DGKA: variants seen among roughly 807,000 people sequenced by gnomAD.
The protein encoded by DGKA is 80 kDa diacylglycerol kinase.
A neutral mutation model predicts 105.0 loss-of-function variants in DGKA; 35 were observed. That is an observed-to-expected ratio of 0.33 (90% CI 0.25 to 0.44). The LOEUF (loss-of-function observed/expected upper bound fraction) is 0.44, where lower values mean the gene tolerates loss of function less well. Among genes scored for constraint, DGKA ranks in the 20% least tolerant of loss-of-function variants. The probability of loss-of-function intolerance (pLI) is 1.00; values close to 1 mark genes in which losing one functional copy is unlikely to be tolerated. For missense variants in DGKA, 665 were observed against 915.0 expected, an observed-to-expected ratio of 0.73 and a Z score of 3.53; for synonymous variants, 296 against 332.0, an observed-to-expected ratio of 0.89 and a Z score of 1.18.
intron 4 of DGKA, 130 bp from the exon 5 acceptor site, chr12:55,937,848 C>G (rs768514479): frequency 5.9e-6 from 5 of 850,362 alleles, no homozygotes; most frequent in Non-Finnish European, 9.4e-6. Context: ...AGTGACAGAG[C>G]AAGACCCTGT....
In DGKA at chr12:55,939,210, A is replaced by G. The variant is rs1405155893; in HGVS notation, c.499A>G (p.Ile167Val). 1 of 1,614,118 alleles carries G rather than the reference A, an allele frequency of 6.2e-7. No homozygotes were observed. The highest frequency in any genetic ancestry group is 1.6e-4 in the Middle Eastern group (1 of 6,062). ...GATTCTTCAGGAGATGATGAAAGAG[A>G]TTGACTATGATGGCAGTGGCTCTGT... ...RPILQEMMKE[I>V]DYDGSGSVSQ... Residue 167 changes from isoleucine to valine, a missense_variant, in exon 8 of 24, where the codon ATT becomes GTT. This residue lies in a region of DGKA where 504 missense variants were observed against 681.2 expected (regional missense o/e 0.74). Transcript: ENST00000331886.
At chr12:55,948,237 T>C (rs1454992794) in intron 17 of DGKA, among the ~76,000 whole-genome samples, 1 of 149,620 alleles carries the variant, frequency 6.7e-6, no homozygotes, top group African/African-American at 2.5e-5. Flanking sequence ...CCGTCTCTAC[T>C]AAAAATACAA....
At chr12:55,929,018 G>A (rs1883253674), upstream of DGKA, among the ~76,000 whole-genome samples, 1 of 152,166 alleles carries the variant, frequency 6.6e-6, no homozygotes, top group East Asian at 1.9e-4. Flanking sequence ...TTAGCCGGGT[G>A]TGGTGGCGAG....
chr12:55,927,746 T>A, upstream of DGKA: 1 of 1,539,674 alleles, frequency 6.5e-7, no homozygotes, highest in African/African-American at 1.4e-5. Flanking sequence ...GCCGCAGGGC[T>A]GCCGGCAGCT....
At chr12:55,937,321 T>G in intron 3 of DGKA, 87 bp from the exon 4 acceptor site, 2 of 1,493,848 alleles carry the variant, frequency 1.3e-6, no homozygotes, top group Non-Finnish European at 1.8e-6. Flanking sequence ...GCTCTGCATT[T>G]ATTATCCCTG....
rs1337181193 is a variant in DGKA, at chr12:55,940,145, A to G, written c.773A>G (p.Tyr258Cys). 1 of 1,614,206 alleles carries G rather than the reference A, an allele frequency of 6.2e-7. No individual in the cohort carries two copies. Among genetic ancestry groups the G allele is most frequent in the South Asian group, 1.1e-5 (1 of 91,076 alleles). The part of the protein sequence containing the change: ...MKALPCEVST[Y>C]AKSRKDIGVQ... ...GCCCTGCCTTGTGAAGTCAGCACCT[A>G]TGCCAAGTCTCGGAAGGACATTGGT... Residue 258 changes from tyrosine (Y) to cysteine (C), a missense_variant, in exon 10 of 24, where the codon TAT becomes TGT. Coordinates refer to ENST00000331886, the MANE Select transcript of DGKA (RefSeq NM_001345.5). This position sits in a 1 kb window ranked among gnomAD's most constrained non-coding sequence, Gnocchi z 4.3.
At position 55,937,393 on chromosome 12, in the gene DGKA, T is replaced by G; in HGVS notation, c.139-15T>G. The G allele has an allele frequency of 6.2e-7, 1 of 1,612,848 alleles. No individual in the cohort carries two copies. Among genetic ancestry groups the G allele is most frequent in the Non-Finnish European group, 8.5e-7 (1 of 1,179,204 alleles). ...CCTTGCAGACTCCCCAGGATAATGC[T>G]CACTCTCATTATAGGCCATTGGGTA... is the stretch of plus-strand genomic sequence containing the variant. On this transcript the variant is annotated splice_polypyrimidine_tract_variant and intron_variant, in intron 3 of 23. Transcript: ENST00000331886.
rs763275777 is a variant in DGKA at position 55,940,270 on chromosome 12, C to T, written c.799-44C>T. ...CCCTCAGCCCCTCCCTCCCCTAGGT[C>T]CTGCTCAGACCCTGCCAGACAAGGA... On this transcript the variant is annotated intron_variant, in intron 10 of 23. Transcript: ENST00000331886. The surrounding 1 kb of genome is among the most constrained non-coding windows in gnomAD (Gnocchi z 4.3). The T allele has an allele frequency of 5.0e-6, 8 of 1,614,250 alleles. No individual in the cohort carries two copies. In the East Asian group the frequency reaches 6.7e-5, roughly 13 times the overall value.
chr12:55,941,707 A>C, intron 15 of DGKA, 123 bp downstream of exon 15: 4 of 1,035,668 alleles, frequency 3.9e-6, no homozygotes, highest in Non-Finnish European at 5.9e-6. Context: ...AAGAGGCCAG[A>C]ATTCAGAATA....
chr12:55,940,357 G>T lies in DGKA; in HGVS notation c.842G>T (p.Arg281Leu), dbSNP rs1334146216. Residue 281 changes from arginine to leucine, a missense_variant, in exon 11 of 24, where the codon CGC (arginine) becomes CTC (leucine). Physicochemically the swap from Arg to Leu is moderately radical, Grantham distance 102. Coordinates refer to ENST00000331886, the MANE Select transcript of DGKA (RefSeq NM_001345.5). This position sits in a 1 kb window ranked among gnomAD's most constrained non-coding sequence, Gnocchi z 4.3. ...VWVRGGCESG[R>L]CDRCQKKIRI... ...GTGCGAGGAGGCTGTGAGTCCGGGC[G>T]CTGCGACCGCTGTCAGAAAAAGATC... 4 of 1,614,128 alleles carry T rather than the reference G, an allele frequency of 2.5e-6. No individual in the cohort carries two copies. The Admixed American group carries it at 5.0e-5, about 20-fold the overall frequency.
Position 55,940,252 on chromosome 12 carries a change from C to T in DGKA, c.799-62C>T. 2.5e-6 allele frequency: 4 copies of T among 1,614,168 alleles called. No homozygotes were observed. The highest frequency in any genetic ancestry group is 3.4e-6 in the Non-Finnish European group (4 of 1,179,988). On this transcript the variant is annotated intron_variant, in intron 10 of 23. Coordinates refer to ENST00000331886, the MANE Select transcript of DGKA (RefSeq NM_001345.5). The surrounding 1 kb of genome is among the most constrained non-coding windows in gnomAD (Gnocchi z 4.3). ...GCCCTTGGCCCATTGCTGCCCTCAG[C>T]CCCTCCCTCCCCTAGGTCCTGCTCA...
At chr12:55,936,651 A>G in intron 2 of DGKA, 84 bp downstream of exon 2, 1 of 1,581,054 alleles carries the variant, frequency 6.3e-7, no homozygotes, top group African/African-American at 1.3e-5. Flanking sequence ...CCTGCCCCCC[A>G]GCTTCCTCAG....
chr12:55,947,250 G>T (rs1887231698), intron 17 of DGKA, among the ~76,000 whole-genome samples: 2 of 152,150 alleles, frequency 1.3e-5, no homozygotes, highest in Admixed American at 1.3e-4. Flanking sequence ...CTCCCAAAGT[G>T]CTGAGATTAC....
chr12:55,937,012 C>T lies in DGKA; in HGVS notation c.65-5C>T, dbSNP rs1435493044. The T allele has an allele frequency of 3.7e-6, 6 of 1,613,654 alleles. No homozygotes were observed. Among genetic ancestry groups the T allele is most frequent in the Non-Finnish European group, 5.1e-6 (6 of 1,179,744 alleles). On this transcript the variant is annotated splice_polypyrimidine_tract_variant and splice_region_variant and intron_variant, in intron 2 of 23. Coordinates refer to ENST00000331886, the MANE Select transcript of DGKA (RefSeq NM_001345.5). ...TGCTGTTCTCTTACTCTCTCTACACCCTAGACTCCACCAAAAAGGTCAGTG... is the reference window on the plus strand; with the variant it reads ...TGCTGTTCTCTTACTCTCTCTACACTCTAGACTCCACCAAAAAGGTCAGTG...
chr12:55,941,729 A>G lies in DGKA; in HGVS notation c.1250+145A>G, dbSNP rs931412832. ...CAGAATTCAGAATATTTCCTTCCCTAGGGTCACTGGGTATCCCATCCTCCG... is the reference window on the plus strand; with the variant it reads ...CAGAATTCAGAATATTTCCTTCCCTGGGGTCACTGGGTATCCCATCCTCCG... On this transcript the variant is annotated intron_variant, in intron 15 of 23. Transcript: ENST00000331886. The G allele has an allele frequency of 3.2e-5, 29 of 894,660 alleles. No individual in the cohort carries two copies. In the Admixed American group the frequency reaches 4.1e-4, roughly 13 times the overall value. 55.4% of individuals were successfully genotyped at this position (894,660 alleles called of 1,614,324 possible). A position where few individuals can be genotyped will look rare whatever the true frequency, so the allele number is the denominator to read the frequency against.
chr12:55,949,743 G>A (rs960240414), intron 17 of DGKA, among the ~76,000 whole-genome samples: 1 of 152,042 alleles, frequency 6.6e-6, no homozygotes. Flanking sequence ...CCTTTCCTAT[G>A]CATATTGGCC....
rs773811738 is a variant in DGKA, at chr12:55,952,874, C to G, written c.1884C>G (p.Ala628=). Residue 628 remains alanine (A), a synonymous_variant, in exon 21 of 24, where the codon GCC becomes GCG. Transcript: ENST00000331886. The surrounding 1 kb of genome is among the most constrained non-coding windows in gnomAD (Gnocchi z 5.1). ...PHGDIYGINQ[A]LGATAKVITD... ...GGGATATCTATGGGATCAACCAGGC[C>G]TTAGGTGCTACAGCTAAAGTCATCA... 3.1e-6 allele frequency: 5 copies of G among 1,614,066 alleles called. No homozygotes were observed. Among genetic ancestry groups the G allele is most frequent in the Non-Finnish European group, 4.2e-6 (5 of 1,180,046 alleles).
In DGKA at chr12:55,952,622, A is replaced by G. The variant is rs1592753074; in HGVS notation, c.1744-112A>G. On this transcript the variant is annotated intron_variant, in intron 20 of 23. Transcript: ENST00000331886. The surrounding 1 kb of genome is among the most constrained non-coding windows in gnomAD (Gnocchi z 5.1). ...ATTTCCATTCCTTGCACACCTCCAA[A>G]TCCTGCCTTCTCCAGTTTGTCATCT... The G allele has an allele frequency of 1.5e-6, 2 of 1,364,930 alleles. No individual in the cohort carries two copies. Among genetic ancestry groups the G allele is most frequent in the African/African-American group, 1.4e-5 (1 of 70,102 alleles). 84.6% of individuals were successfully genotyped at this position (1,364,930 alleles called of 1,614,324 possible).
At position 55,936,571 on chromosome 12, in the gene DGKA, A is replaced by G; in HGVS notation, c.64+4A>G. On this transcript the variant is annotated splice_donor_region_variant and intron_variant, in intron 2 of 23. Coordinates refer to ENST00000331886, the MANE Select transcript of DGKA (RefSeq NM_001345.5). ...CAGCTGCAAAAATACATGGAATGTG[A>G]GTCTTCCTGTCAGGCCTTCAGTTCT... 2 of 1,614,162 alleles carry G rather than the reference A, an allele frequency of 1.2e-6. No individual in the cohort carries two copies. Among genetic ancestry groups the G allele is most frequent in the Non-Finnish European group, 1.7e-6 (2 of 1,180,026 alleles).
Sources: allele counts gnomAD v4.1 joint callset (sites outside exome capture counted in the v4.1 genomes callset), GRCh38; gene constraint gnomAD v4.1.1; regional missense constraint gnomAD v4.1.1; non-coding constraint Gnocchi (gnomAD v3.1); transcripts MANE v1.5; gene names NCBI Gene and HGNC (gene_info 2026-07-23, HGNC 2026-07-21).